SPTBN2: variants seen among roughly 807,000 people sequenced by gnomAD.
The protein encoded by SPTBN2 is spectrin beta chain, non-erythrocytic 2.
Under a neutral mutation model 284.2 loss-of-function variants are expected in SPTBN2, and 107 were observed. That is an observed-to-expected ratio of 0.38 (90% CI 0.32 to 0.44). The LOEUF is 0.44. SPTBN2 is among the 20% of genes least tolerant of loss of function. The probability of loss-of-function intolerance (pLI) is 1.00; values close to 1 mark genes in which losing one functional copy is unlikely to be tolerated. For missense variants in SPTBN2, 2,569 were observed against 3,287.1 expected, an observed-to-expected ratio of 0.78 and a Z score of 5.34; for synonymous variants, 1,289 against 1,354.8, an observed-to-expected ratio of 0.95 and a Z score of 1.07.
Position 66,687,258 on chromosome 11 carries a change from C to G in SPTBN2, c.6723-91G>C, listed in dbSNP as rs983665873. The G allele has an allele frequency of 3.8e-6, 6 of 1,580,754 alleles. No homozygotes were observed. The African/African-American group carries it at 8.1e-5, about 21-fold the overall frequency. ...GTCCTAGGACTTCCAGTTCTGCTCCCATCTTTAGGCCACGGTCTTCACACC... is the reference window on the plus strand; with the variant it reads ...GTCCTAGGACTTCCAGTTCTGCTCCGATCTTTAGGCCACGGTCTTCACACC... On this transcript the variant is annotated intron_variant, in intron 35 of 37. Coordinates refer to ENST00000533211, the MANE Select transcript of SPTBN2 (RefSeq NM_006946.4). This position sits in a 1 kb window ranked among gnomAD's most constrained non-coding sequence, Gnocchi z 5.2.
chr11:66,740,991 T>C (rs1942891896), intron 1 of SPTBN2, among the ~76,000 whole-genome samples: 1 of 152,170 alleles, frequency 6.6e-6, no homozygotes, highest in Non-Finnish European at 1.5e-5. Context: ...CCCTAGGATG[T>C]TCTGGTTCCA....
chr11:66,686,503 T>TGA (rs1416962213), intron 36 of SPTBN2, 63 bp from the exon 37 acceptor site: 3 of 1,589,936 alleles, frequency 1.9e-6, no homozygotes, highest in Non-Finnish European at 2.6e-6. Context: ...TAGCTGCTGG[T>TGA]GAGAGCGTAA....
chr11:66,712,524 GCAA>G (rs771829376), intron 8 of SPTBN2, among the ~76,000 whole-genome samples: 65 of 150,190 alleles, frequency 4.3e-4, no homozygotes, highest in Admixed American at 1.1e-3. Context: ...TCCAGTCTGG[GCAA>G]CAGAGTGAGA....
rs938481605 is a variant in SPTBN2, at chr11:66,687,894, C to T, written c.6475G>A (p.Glu2159Lys). ...SQPLLGQQRL[E>K]HSSFPEGPGP... The stretch of plus-strand genomic sequence containing the variant: ...GGCCCTTCGGGGAAGCTGCTGTGCT[C>T]AAGTCTCTGTTGTCCCAGCAGGGGC... The change falls in exon 34 of 38, where the codon GAG (glutamate) becomes AAG (lysine). Residue 2159 changes from glutamate to lysine, a missense_variant. Coordinates refer to ENST00000533211, the MANE Select transcript of SPTBN2 (RefSeq NM_006946.4). This position sits in a 1 kb window ranked among gnomAD's most constrained non-coding sequence, Gnocchi z 5.2. 1.2e-6 allele frequency: 2 copies of T among 1,614,032 alleles called. No individual in the cohort carries two copies. Among genetic ancestry groups the T allele is most frequent in the Non-Finnish European group, 1.7e-6 (2 of 1,180,050 alleles).
rs114788199 is a variant in SPTBN2 at position 66,699,496 on chromosome 11, T to C, written c.3686A>G (p.His1229Arg). The C allele has an allele frequency of 1.4e-3, 2,250 of 1,614,190 alleles. 32 individuals carry two copies. The African/African-American group carries it at 0.026, about 19-fold the overall frequency. ...CTGGCGGCCAGCCTCCAGGAGCCCGTGGATCCGTTCCCCATTGGCGTCCAT... is the reference window on the plus strand; with the variant it reads ...CTGGCGGCCAGCCTCCAGGAGCCCGCGGATCCGTTCCCCATTGGCGTCCAT... ...STMDANGERI[H>R]GLLEAGRQLV... Residue 1229 changes from histidine to arginine, a missense_variant, in exon 18 of 38, where the codon CAC becomes CGC. Physicochemically the swap from His to Arg is conservative, Grantham distance 29 (BLOSUM62 0). Around this residue, in one of 6 missense-constraint regions of SPTBN2, gnomAD observed 1,012 missense variants for 1,248.9 expected, o/e 0.81. Coordinates refer to ENST00000533211, the MANE Select transcript of SPTBN2 (RefSeq NM_006946.4).
At chr11:66,719,676 G>A (rs189737254) in intron 3 of SPTBN2, among the ~76,000 whole-genome samples, 12 of 152,250 alleles carry the variant, frequency 7.9e-5, no homozygotes, top group Admixed American at 7.8e-4. Context: ...AGTCCTGGGA[G>A]GCATGTGTCC....
chr11:66,689,687 A>AG, intron 29 of SPTBN2, 118 bp downstream of exon 29: 1 of 1,477,076 alleles, frequency 6.8e-7, no homozygotes, highest in Middle Eastern at 2.3e-4. Flanking sequence ...AATGGCACTG[A>AG]GGGGAGAGAA....
intron 5 of SPTBN2, 140 bp from the exon 6 acceptor site, chr11:66,714,547 C>A (rs1408557996): frequency 1.3e-6 from 1 of 756,000 alleles, no homozygotes; most frequent in African/African-American, 1.7e-5. Flanking sequence ...TCCTTTCAAC[C>A]TAGGCCAGGG....
chr11:66,705,581 GCCA>G, intron 14 of SPTBN2, 100 bp downstream of exon 14: 13 of 1,601,850 alleles, frequency 8.1e-6, no homozygotes, highest in Non-Finnish European at 1.1e-5. Flanking sequence ...CCATCGTTTG[GCCA>G]CCATCTTTCC....
At chr11:66,702,863 G>A (rs1284796087) in intron 15 of SPTBN2, among the ~76,000 whole-genome samples, 111 of 149,924 alleles carry the variant, frequency 7.4e-4, no homozygotes, top group Non-Finnish European at 8.5e-4. Flanking sequence ...GCGTGAACCC[G>A]GGCGGCGGAG....
At chr11:66,743,060 T>C (rs1263192060) in intron 1 of SPTBN2, among the ~76,000 whole-genome samples, 2 of 151,340 alleles carry the variant, frequency 1.3e-5, no homozygotes, top group Non-Finnish European at 2.9e-5. Context: ...AGTCATTCAA[T>C]GTTACTGGTC....
At chr11:66,702,079 T>C (rs1008481542) in intron 15 of SPTBN2, among the ~76,000 whole-genome samples, 3 of 152,228 alleles carry the variant, frequency 2.0e-5, no homozygotes, top group Admixed American at 2.0e-4. Flanking sequence ...CTGGGTCTCA[T>C]CCCACTAATA....
rs750748711 is a variant in SPTBN2 at position 66,715,562 on chromosome 11, G to C, written c.310-167C>G. On this transcript the variant is annotated intron_variant, in intron 4 of 37. Coordinates refer to ENST00000533211, the MANE Select transcript of SPTBN2 (RefSeq NM_006946.4). The surrounding 1 kb of genome is among the most constrained non-coding windows in gnomAD (Gnocchi z 5.3). ...AGCTGAGCTTACAGATGAGGCTTGG[G>C]CAGATTAAGATTCCCAAGGGAATTA... 1.7e-4 allele frequency among the ~76,000 whole-genome samples: 26 copies of C among 152,226 alleles called. No homozygotes were observed. The highest frequency in any genetic ancestry group is 3.5e-4 in the Non-Finnish European group (24 of 68,052).
At position 66,708,007 on chromosome 11, in the gene SPTBN2, C is replaced by T. The variant is rs1304311413; in HGVS notation, c.1350+134G>A. ...GTCCCACCCTCTGGCCCCTGGCTCCCGGACCTCTAGGCCTTTTTACCCAGG... is the reference window on the plus strand; with the variant it reads ...GTCCCACCCTCTGGCCCCTGGCTCCTGGACCTCTAGGCCTTTTTACCCAGG... On this transcript the variant is annotated intron_variant, in intron 12 of 37. Transcript: ENST00000533211. This position sits in a 1 kb window ranked among gnomAD's most constrained non-coding sequence, Gnocchi z 4.4. 6.1e-6 allele frequency: 9 copies of T among 1,485,468 alleles called. No homozygotes were observed. Among genetic ancestry groups the T allele is most frequent in the East Asian group, 2.3e-5 (1 of 43,648 alleles). 92.0% of individuals were successfully genotyped at this position (1,485,468 alleles called of 1,614,324 possible).
At chr11:66,697,671 A>G (rs113366598) in intron 20 of SPTBN2, among the ~76,000 whole-genome samples, 22 of 152,196 alleles carry the variant, frequency 1.4e-4, no homozygotes, top group African/African-American at 2.9e-4. Flanking sequence ...TAGAATTTCC[A>G]TATCTCCTCT....
chr11:66,722,469 G>A (rs1288849717), intron 1 of SPTBN2, among the ~76,000 whole-genome samples: 2 of 151,400 alleles, frequency 1.3e-5, no homozygotes, highest in South Asian at 2.1e-4. Flanking sequence ...CCAGCTACTC[G>A]GGAGGCTGAG....
intron 8 of SPTBN2, among the ~76,000 whole-genome samples, chr11:66,712,301 C>T (rs1257775323): frequency 6.6e-6 from 1 of 152,220 alleles, no homozygotes; most frequent in African/African-American, 2.4e-5. Context: ...GTTATCACAG[C>T]GCATTGGGAG....
chr11:66,711,122 A>T, intron 8 of SPTBN2, 93 bp from the exon 9 acceptor site: 2 of 976,576 alleles, frequency 2.0e-6, no homozygotes, highest in Non-Finnish European at 3.3e-6. Flanking sequence ...CAGTCCTCCA[A>T]GGCTGACATC....
intron 13 of SPTBN2, among the ~76,000 whole-genome samples, chr11:66,706,464 G>C (rs547131042): frequency 1.3e-5 from 2 of 152,304 alleles, no homozygotes; most frequent in South Asian, 4.2e-4. Flanking sequence ...CTGACTAGCT[G>C]GGATTACAGG....
Sources: gnomAD v4.1 joint callset for allele counts (sites outside exome capture counted in the v4.1 genomes callset) on GRCh38, gnomAD v4.1.1 for gene constraint, gnomAD v4.1.1 regional missense constraint, Gnocchi (gnomAD v3.1) non-coding constraint, MANE v1.5 for transcripts, NCBI Gene and HGNC (gene_info 2026-07-23, HGNC 2026-07-21) for gene names.